Variants in PCDH15 observed in about 807,000 individuals in gnomAD.
PCDH15 encodes protocadherin-15.
PCDH15 carries 129 observed loss-of-function variants against 178.5 expected under a neutral mutation model. The observed-to-expected ratio is 0.72, with a 90% CI of 0.63 to 0.84. The LOEUF (loss-of-function observed/expected upper bound fraction) is 0.84. Ranked by LOEUF, PCDH15 falls within the 40% of genes least tolerant of loss-of-function variation. The pLI is 0.00. For missense variants in PCDH15, 2,230 were observed against 2,099.9 expected (o/e 1.06, Z -1.21); for synonymous variants, 800 against 732.0 (o/e 1.09, Z -1.50).
At chr10:55,069,962 T>TTTAA (rs1841682870) in intron 2 of PCDH15, among the ~76,000 whole-genome samples, 1 of 152,158 alleles carries the variant, frequency 6.6e-6, no homozygotes, top group African/African-American at 2.4e-5. Flanking sequence ...TTTTTAATGA[T>TTTAA]TGCCATTCTA....
chr10:54,942,643 T>C (rs1838093477), intron 2 of PCDH15, among the ~76,000 whole-genome samples: 1 of 152,060 alleles, frequency 6.6e-6, no homozygotes. Flanking sequence ...ATAATCTCAG[T>C]ATGTGCTTTT....
intron 1 of PCDH15, among the ~76,000 whole-genome samples, chr10:55,246,737 A>C (rs2132218459): frequency 6.6e-6 from 1 of 152,328 alleles, no homozygotes; most frequent in Admixed American, 6.5e-5. Flanking sequence ...CATTTATTAC[A>C]GATGAACTTA....
intron 1 of PCDH15, among the ~76,000 whole-genome samples, chr10:54,793,056 T>C (rs1424207503): frequency 1.3e-5 from 2 of 151,824 alleles, no homozygotes; most frequent in Non-Finnish European, 2.9e-5. Flanking sequence ...GAGGATGATC[T>C]TGTCAATTGT....
intron 3 of PCDH15, among the ~76,000 whole-genome samples, chr10:54,400,932 C>A (rs1407568775): frequency 2.6e-5 from 4 of 151,786 alleles, no homozygotes; most frequent in African/African-American, 9.7e-5. Context: ...TATTGTTCAT[C>A]TAGTTTGTAG....
chr10:54,364,081 G>A (rs1251170810), intron 5 of PCDH15, among the ~76,000 whole-genome samples: 14 of 151,866 alleles, frequency 9.2e-5, no homozygotes, highest in East Asian at 3.9e-4. Context: ...GTGTGGTGGC[G>A]CATGCCTGTA....
At chr10:54,207,103 T>C (rs183180139) in intron 10 of PCDH15, among the ~76,000 whole-genome samples, 49 of 152,270 alleles carry the variant, frequency 3.2e-4, no homozygotes, top group African/African-American at 1.1e-3. Context: ...AAATAAAATG[T>C]CACCTCTGTG....
intron 2 of PCDH15, among the ~76,000 whole-genome samples, chr10:54,969,010 A>G (rs1838865306): frequency 6.6e-6 from 1 of 152,052 alleles, no homozygotes; most frequent in Non-Finnish European, 1.5e-5. Flanking sequence ...ATGTACATTT[A>G]GAATGTAATA....
At chr10:54,389,106 T>A (rs945988429) in intron 3 of PCDH15, among the ~76,000 whole-genome samples, 1 of 151,770 alleles carries the variant, frequency 6.6e-6, no homozygotes, top group African/African-American at 2.4e-5. Context: ...AAGCCCATTC[T>A]GTTACAGCGT....
At chr10:54,566,326 C>T (rs1423445327) in intron 2 of PCDH15, among the ~76,000 whole-genome samples, 2 of 152,114 alleles carry the variant, frequency 1.3e-5, no homozygotes, top group African/African-American at 4.8e-5. Context: ...GTTGATGAAA[C>T]TTCATTTACA....
At chr10:54,254,540 A>G (rs1229025758) in intron 8 of PCDH15, among the ~76,000 whole-genome samples, 1 of 152,112 alleles carries the variant, frequency 6.6e-6, no homozygotes, top group Non-Finnish European at 1.5e-5. Flanking sequence ...CTCAACTCCC[A>G]CAGCTAGCAT....
At chr10:53,867,385 G>A (rs1163955461) in intron 26 of PCDH15, among the ~76,000 whole-genome samples, 3 of 151,976 alleles carry the variant, frequency 2.0e-5, no homozygotes, top group Admixed American at 6.6e-5. Flanking sequence ...GAAGGATATC[G>A]AATTTTCCCA....
chr10:55,063,330 G>A (rs1841484680), intron 2 of PCDH15, among the ~76,000 whole-genome samples: 1 of 152,014 alleles, frequency 6.6e-6, no homozygotes, highest in Non-Finnish European at 1.5e-5. Flanking sequence ...TAAAGCAGTG[G>A]CATAGTATAT....
Position 54,628,801 on chromosome 10 carries a change from G to C in PCDH15, c.91+35371C>G, listed in dbSNP as rs111377234. On this transcript the variant is annotated intron_variant, in intron 2 of 37. Transcript: ENST00000644397. Reference sequence around the variant, plus strand: ...AATGTTAGACTCACATTCATGAGTGGATTTGATAAATACAATGTGGCTGAC... The same window carrying C: ...AATGTTAGACTCACATTCATGAGTGCATTTGATAAATACAATGTGGCTGAC... Among the ~76,000 whole-genome samples, 555 of 152,180 alleles carry C rather than the reference G, an allele frequency of 3.6e-3. 3 individuals carry two copies. Among genetic ancestry groups the C allele is most frequent in the African/African-American group, 0.013 (530 of 41,526 alleles).
intron 9 of PCDH15, among the ~76,000 whole-genome samples, chr10:54,219,448 C>T (rs2052522300): frequency 6.6e-6 from 1 of 150,916 alleles, no homozygotes; most frequent in Admixed American, 6.6e-5. Context: ...AAAAAATTAG[C>T]CAGGCTTGGT....
chr10:54,114,502 G>T (rs1164114938), intron 15 of PCDH15, among the ~76,000 whole-genome samples: 1 of 151,968 alleles, frequency 6.6e-6, no homozygotes, highest in East Asian at 1.9e-4. Flanking sequence ...AGGCACTGTT[G>T]TAGTTACTAG....
At chr10:54,879,321 T>A (rs1446438308) in intron 3 of PCDH15, among the ~76,000 whole-genome samples, 1 of 152,122 alleles carries the variant, frequency 6.6e-6, no homozygotes, top group Non-Finnish European at 1.5e-5. Flanking sequence ...ATATTTTATG[T>A]ATGCTCTAGG....
chr10:54,452,228 T>A (rs1297298289), intron 3 of PCDH15, among the ~76,000 whole-genome samples: 1 of 152,014 alleles, frequency 6.6e-6, no homozygotes, highest in Admixed American at 6.6e-5. Flanking sequence ...TAGCCAATAC[T>A]AAGTGCTTTC....
At chr10:53,915,264 T>G (rs1048448219) in intron 25 of PCDH15, among the ~76,000 whole-genome samples, 5 of 152,142 alleles carry the variant, frequency 3.3e-5, no homozygotes, top group African/African-American at 1.2e-4. Flanking sequence ...AAATAAATTA[T>G]TAACTGTATT....
chr10:54,860,715 GA>G (rs1234225679), intron 3 of PCDH15, among the ~76,000 whole-genome samples: 7 of 152,198 alleles, frequency 4.6e-5, no homozygotes, highest in Non-Finnish European at 8.8e-5. Flanking sequence ...GGTTCTTTGA[GA>G]AATCTTCAAA....
Sources: gnomAD v4.1 joint callset for allele counts (sites outside exome capture counted in the v4.1 genomes callset) on GRCh38, gnomAD v4.1.1 for gene constraint, MANE v1.5 for transcripts, NCBI Gene and HGNC (gene_info 2026-07-23, HGNC 2026-07-21) for gene names.